The following ZNF69 variants were observed in gnomAD, a reference collection of about 807,000 sequenced individuals.
ZNF69 encodes the protein zinc finger protein 69.
In ZNF69, 47 loss-of-function variants were observed where a neutral mutation model predicts 50.9. That is an observed-to-expected ratio of 0.92 (90% CI 0.73 to 1.18). The LOEUF (loss-of-function observed/expected upper bound fraction) is 1.18, where lower values mean the gene tolerates loss of function less well. Among genes scored for constraint, ZNF69 ranks in the 50% most tolerant of loss-of-function variants. ZNF69 has a pLI of 0.00. For missense variants in ZNF69, 717 were observed against 675.1 expected, an observed-to-expected ratio of 1.06 and a Z score of -0.69; for synonymous variants, 216 against 223.1, an observed-to-expected ratio of 0.97 and a Z score of 0.29.
chr19:11,901,826 T>C (rs1016930575), intron 1 of ZNF69, among the ~76,000 whole-genome samples: 4 of 152,132 alleles, frequency 2.6e-5, no homozygotes, highest in Non-Finnish European at 4.4e-5. Context: ...AAACAAAATG[T>C]GAAACTTATC....
the ZNF69 span, chr19:11,978,687 C>T: frequency 2.5e-6 from 4 of 1,614,158 alleles, no homozygotes; most frequent in Non-Finnish European, 3.4e-6. Context: ...TGGAGAAAAG[C>T]CTTATGAATG....
At chr19:11,975,562 C>T in the ZNF69 span, among the ~76,000 whole-genome samples, 12 of 151,998 alleles carry the variant, frequency 7.9e-5, no homozygotes, top group African/African-American at 2.7e-4. Context: ...CGCGTCCAGC[C>T]AATTTTTCGT....
chr19:11,920,215 G>A, the ZNF69 span, among the ~76,000 whole-genome samples: 2 of 151,298 alleles, frequency 1.3e-5, no homozygotes. Context: ...GGGTTCAAGC[G>A]ATTCTACTGC....
chr19:11,933,811 C>T, the ZNF69 span, among the ~76,000 whole-genome samples: 2 of 144,048 alleles, frequency 1.4e-5, no homozygotes, highest in South Asian at 4.3e-4. Context: ...CGCCACTGCA[C>T]TCTAGCCTGG....
chr19:11,904,411 TG>T (rs761023697), intron 3 of ZNF69, among the ~76,000 whole-genome samples: 3 of 152,126 alleles, frequency 2.0e-5, no homozygotes, highest in East Asian at 1.9e-4. Context: ...ATTTAGTATT[TG>T]TAAAATAGTT....
chr19:11,902,641 G>T (rs1246022705), intron 1 of ZNF69, among the ~76,000 whole-genome samples: 2 of 150,174 alleles, frequency 1.3e-5, no homozygotes, highest in Non-Finnish European at 3.0e-5. Context: ...CTTATATCTA[G>T]CATGCCTGAT....
chr19:11,939,663 G>A, the ZNF69 span, among the ~76,000 whole-genome samples: 38 of 152,130 alleles, frequency 2.5e-4, no homozygotes, highest in Admixed American at 4.6e-4. Flanking sequence ...GTTCCACCAC[G>A]TTGGCCAGGC....
the ZNF69 span, chr19:11,979,239 G>C: frequency 1.2e-6 from 2 of 1,612,228 alleles, no homozygotes; most frequent in East Asian, 2.2e-5. Flanking sequence ...GTTCCTTTCA[G>C]TATCATGAAA....
chr19:11,965,487 C>T, the ZNF69 span, among the ~76,000 whole-genome samples: 1 of 152,248 alleles, frequency 6.6e-6, no homozygotes, highest in East Asian at 1.9e-4. Flanking sequence ...CGCGTCTCCC[C>T]AGATTATGCG....
the ZNF69 span, among the ~76,000 whole-genome samples, chr19:11,977,651 C>A: frequency 6.6e-6 from 1 of 152,160 alleles, no homozygotes; most frequent in East Asian, 1.9e-4. Context: ...TTGAGGCCAG[C>A]AGTTCAAGAA....
chr19:11,904,291 A>G (rs1297353936), intron 3 of ZNF69, among the ~76,000 whole-genome samples: 1 of 152,226 alleles, frequency 6.6e-6, no homozygotes, highest in Admixed American at 6.5e-5. Flanking sequence ...AGGCTGAGGC[A>G]GGAGGATCAC....
At chr19:11,919,260 CT>C (rs957089861), downstream of ZNF69, among the ~76,000 whole-genome samples, 1 of 152,132 alleles carries the variant, frequency 6.6e-6, no homozygotes, top group Admixed American at 6.5e-5. Context: ...TGTAGTGGCT[CT>C]GGCAGCATTT....
At chr19:11,938,028 G>A in the ZNF69 span, among the ~76,000 whole-genome samples, 1 of 152,050 alleles carries the variant, frequency 6.6e-6, no homozygotes, top group Non-Finnish European at 1.5e-5. Flanking sequence ...ATGGGCTAAG[G>A]CTTGTCAGAT....
At chr19:11,965,067 C>CGGTGGTT in the ZNF69 span, 1 of 1,061,092 alleles carries the variant, frequency 9.4e-7, no homozygotes, top group African/African-American at 1.6e-5. Flanking sequence ...CTTGCGCAGC[C>CGGTGGTT]GGTGGTTGAT....
At chr19:11,979,281 T>C in the ZNF69 span, 1 of 1,613,248 alleles carries the variant, frequency 6.2e-7, no homozygotes, top group African/African-American at 1.3e-5. Flanking sequence ...CCTATGAGTG[T>C]AAGCAATGTG....
the ZNF69 span, among the ~76,000 whole-genome samples, chr19:11,937,835 C>G: frequency 6.6e-6 from 1 of 152,038 alleles, no homozygotes; most frequent in Non-Finnish European, 1.5e-5. Context: ...CTTATGGAAT[C>G]TTCTCTTGTA....
At chr19:11,970,656 A>C in the ZNF69 span, among the ~76,000 whole-genome samples, 2 of 152,266 alleles carry the variant, frequency 1.3e-5, no homozygotes, top group East Asian at 3.9e-4. Context: ...CCTTAAATAG[A>C]TGTCCAGAGC....
At chr19:11,899,164 C>T (rs1039301799) in intron 1 of ZNF69, among the ~76,000 whole-genome samples, 2 of 152,172 alleles carry the variant, frequency 1.3e-5, no homozygotes, top group African/African-American at 2.4e-5. Flanking sequence ...TTCCTGCCTC[C>T]GTTTTGCATT....
the ZNF69 span, among the ~76,000 whole-genome samples, chr19:11,930,995 G>A: frequency 7.2e-6 from 1 of 139,224 alleles, no homozygotes. Flanking sequence ...ACAAAATTCC[G>A]TCTCAAAAAA....
Sources: allele counts gnomAD v4.1 joint callset (sites outside exome capture counted in the v4.1 genomes callset), GRCh38; gene constraint gnomAD v4.1.1; transcripts MANE v1.5; gene names NCBI Gene and HGNC (gene_info 2026-07-23, HGNC 2026-07-21).